TDRD3: variants seen among roughly 807,000 people sequenced by gnomAD.
TDRD3 encodes tudor domain containing 3.
In TDRD3, 45 loss-of-function variants were observed where a neutral mutation model predicts 86.7. The observed-to-expected ratio is 0.52, with a 90% CI of 0.41 to 0.67. The LOEUF is 0.67. TDRD3 is among the 30% of genes least tolerant of loss of function. The pLI, the probability that TDRD3 is intolerant of heterozygous loss-of-function variation, is 0.00. For synonymous variants in TDRD3, 298 were observed against 301.7 expected (o/e 0.99, Z 0.13); for missense variants, 814 against 889.0 (o/e 0.92, Z 1.07).
chr13:60,552,795 G>A (rs1025055128), intron 12 of TDRD3, among the ~76,000 whole-genome samples: 5 of 152,224 alleles, frequency 3.3e-5, no homozygotes, highest in Non-Finnish European at 7.3e-5. Context: ...CCAACACCAC[G>A]TGGAAGCCGC....
chr13:60,439,111 A>C (rs1361782820), intron 1 of TDRD3, among the ~76,000 whole-genome samples: 5 of 149,422 alleles, frequency 3.3e-5, no homozygotes, highest in Non-Finnish European at 7.4e-5. Flanking sequence ...ACAATGCGTA[A>C]AAAAAACTGA....
intron 1 of TDRD3, among the ~76,000 whole-genome samples, chr13:60,402,985 T>C (rs1023619033): frequency 6.6e-6 from 1 of 152,230 alleles, no homozygotes; most frequent in Non-Finnish European, 1.5e-5. Flanking sequence ...AATGAAAATG[T>C]TCAAAGGTAA....
upstream of TDRD3, among the ~76,000 whole-genome samples, chr13:60,396,271 G>C (rs978313760): frequency 7.2e-5 from 11 of 152,154 alleles, no homozygotes; most frequent in Non-Finnish European, 1.6e-4. Context: ...CTTTTTCCCC[G>C]CAATACGGGA....
chr13:60,404,894 G>T (rs1954197512), intron 1 of TDRD3, among the ~76,000 whole-genome samples: 1 of 152,200 alleles, frequency 6.6e-6, no homozygotes, highest in African/African-American at 2.4e-5. Context: ...TTATGGGGAT[G>T]GGTCTTTCCC....
intron 11 of TDRD3, among the ~76,000 whole-genome samples, chr13:60,531,859 A>G (rs944634561): frequency 3.3e-5 from 5 of 152,214 alleles, no homozygotes; most frequent in Non-Finnish European, 7.3e-5. Flanking sequence ...ATGAATGACT[A>G]TGAATGATTA....
intron 2 of TDRD3, among the ~76,000 whole-genome samples, chr13:60,444,043 GC>G (rs1363068892): frequency 1.3e-5 from 2 of 151,808 alleles, no homozygotes; most frequent in East Asian, 3.9e-4. Flanking sequence ...GAATGCTATA[GC>G]CTTGTTTTTG....
intron 10 of TDRD3, among the ~76,000 whole-genome samples, chr13:60,526,322 G>A (rs537358820): frequency 1.3e-5 from 2 of 152,230 alleles, no homozygotes; most frequent in South Asian, 2.1e-4. Context: ...TGTATATAAA[G>A]TGCTAGTGTG....
At chr13:60,403,134 A>AT (rs11393806) in intron 1 of TDRD3, among the ~76,000 whole-genome samples, 67,158 of 146,102 alleles carry the variant, frequency 0.46, 15,477 homozygotes, top group South Asian at 0.55. Flanking sequence ...GTTTGCAGTG[A>AT]TTTTTTTTTT....
chr13:60,423,631 A>C (rs1054452396), intron 1 of TDRD3, among the ~76,000 whole-genome samples: 6 of 152,212 alleles, frequency 3.9e-5, no homozygotes, highest in African/African-American at 1.4e-4. Context: ...AACAAAACCA[A>C]ATACAAGCCC....
At chr13:60,449,653 C>T (rs777244634) in intron 3 of TDRD3, among the ~76,000 whole-genome samples, 2 of 151,914 alleles carry the variant, frequency 1.3e-5, no homozygotes, top group Admixed American at 1.3e-4. Context: ...GGGAATCTTA[C>T]GTTTGCAAAA....
At chr13:60,432,192 T>G (rs1431062837) in intron 1 of TDRD3, among the ~76,000 whole-genome samples, 1 of 152,126 alleles carries the variant, frequency 6.6e-6, no homozygotes, top group East Asian at 1.9e-4. Flanking sequence ...TCCTTCTGTT[T>G]ATTATGCTTA....
chr13:60,512,998 C>G (rs1957092208), intron 10 of TDRD3, among the ~76,000 whole-genome samples: 1 of 152,236 alleles, frequency 6.6e-6, no homozygotes, highest in Non-Finnish European at 1.5e-5. Context: ...ACTGCCCTAG[C>G]AGAGGTTCTC....
intron 1 of TDRD3, among the ~76,000 whole-genome samples, chr13:60,429,732 G>A (rs1032951796): frequency 6.6e-6 from 1 of 152,042 alleles, no homozygotes; most frequent in African/African-American, 2.4e-5. Flanking sequence ...ATGTAGTTAG[G>A]CTTACCAGTA....
At chr13:60,561,964 A>T (rs1233285058) in intron 12 of TDRD3, among the ~76,000 whole-genome samples, 5 of 152,024 alleles carry the variant, frequency 3.3e-5, no homozygotes, top group Non-Finnish European at 7.4e-5. Flanking sequence ...TTCAGTATTG[A>T]TAATAATACA....
At chr13:60,498,419 G>A (rs766581398) in intron 8 of TDRD3, among the ~76,000 whole-genome samples, 1 of 152,178 alleles carries the variant, frequency 6.6e-6, no homozygotes, top group Non-Finnish European at 1.5e-5. Context: ...GTAATGGACG[G>A]TAGAAGCAAA....
intron 5 of TDRD3, among the ~76,000 whole-genome samples, chr13:60,481,400 G>T (rs1956315308): frequency 7.0e-6 from 1 of 142,768 alleles, no homozygotes; most frequent in African/African-American, 2.6e-5. Context: ...TTAGACTGCT[G>T]GTAATTTTCC....
chr13:60,478,484 T>C (rs185738833), intron 5 of TDRD3, among the ~76,000 whole-genome samples: 5 of 151,982 alleles, frequency 3.3e-5, no homozygotes, highest in Admixed American at 3.3e-4. Context: ...TTGGCATTTT[T>C]AGTAGAGATG....
At chr13:60,567,711 A>G (rs1250222340) in intron 13 of TDRD3, 61 bp downstream of exon 13, 28 of 1,587,772 alleles carry the variant, frequency 1.8e-5, no homozygotes, top group Middle Eastern at 3.4e-4. Context: ...TGTTAAGCAT[A>G]TAAGTCCAAT....
chr13:60,435,115 T>C (rs1955057805), intron 1 of TDRD3, among the ~76,000 whole-genome samples: 2 of 152,204 alleles, frequency 1.3e-5, no homozygotes, highest in Admixed American at 6.5e-5. Flanking sequence ...TCAGTCCTTC[T>C]GTGACAATCG....
Sources: allele counts gnomAD v4.1 joint callset (sites outside exome capture counted in the v4.1 genomes callset), GRCh38; gene constraint gnomAD v4.1.1; transcripts MANE v1.5; gene names NCBI Gene and HGNC (gene_info 2026-07-23, HGNC 2026-07-21).